Variants in MON1B observed in about 807,000 individuals in gnomAD.
MON1B encodes MON1 vesicular trafficking associated B.
Under a neutral mutation model 45.1 loss-of-function variants are expected in MON1B, and 26 were observed. The ratio of observed to expected loss-of-function variants is 0.58; its 90% CI spans 0.42 to 0.80. The LOEUF is 0.80. Among genes scored for constraint, MON1B ranks in the 30% least tolerant of loss-of-function variants. The pLI is 0.00. For missense variants in MON1B, 737 were observed against 754.5 expected (o/e 0.98, Z 0.27); for synonymous variants, 395 against 320.2 (o/e 1.23, Z -2.49).
At position 77,195,646 on chromosome 16, in the gene MON1B, T is replaced by C. The variant is rs2054658174; in HGVS notation, c.1407T>C (p.Ile469=). ...GCACCTCCCGACCCCTGCGCCTCAT[T>C]TACCACGTGGCTGAGAAGGAGACAC... The part of the protein sequence containing the change: ...LHSTSRPLRL[I]YHVAEKETLL... Residue 469 remains isoleucine, a synonymous_variant, in exon 5 of 6, where the codon ATT becomes ATC. Coordinates refer to ENST00000248248, the MANE Select transcript of MON1B (RefSeq NM_014940.4). The C allele has an allele frequency of 6.2e-7, 1 of 1,613,988 alleles. No homozygotes were observed. Among genetic ancestry groups the C allele is most frequent in the African/African-American group, 1.3e-5 (1 of 74,914 alleles).
rs574676094 is a variant in MON1B, at chr16:77,201,566, C to G, written c.*3258C>G. On this transcript the variant is annotated 3_prime_UTR_variant, in exon 6 of 6. Coordinates refer to ENST00000248248, the MANE Select transcript of MON1B (RefSeq NM_014940.4). ...GAGGCAGTCGGCAGAGTATTTTTAGCATCTAAAATGCTCTTCCACTTCGGC... is the reference window on the plus strand; with the variant it reads ...GAGGCAGTCGGCAGAGTATTTTTAGGATCTAAAATGCTCTTCCACTTCGGC... 6.6e-6 allele frequency: 1 copy of G among 152,242 alleles called. No homozygotes were observed. The highest frequency in any genetic ancestry group is 2.4e-5 in the African/African-American group (1 of 41,534). 9.4% of individuals were successfully genotyped at this position (152,242 alleles called of 1,614,324 possible). A position where few individuals can be genotyped will look rare whatever the true frequency, so the allele number is the denominator to read the frequency against.
chr16:77,196,066 C>T (rs946340465), intron 5 of MON1B, among the ~76,000 whole-genome samples: 1 of 152,174 alleles, frequency 6.6e-6, no homozygotes, highest in South Asian at 2.1e-4. Context: ...CAGCACTCCT[C>T]AGACTACAGG....
In MON1B at chr16:77,193,835, G is replaced by C. The variant is rs1240177251; in HGVS notation, c.475+58G>C. The stretch of plus-strand genomic sequence containing the variant: ...CAGTGACTGGGAATATGGCTGGCAC[G>C]GGTAGGTCTGTCTGCCTCAGGCACT... On this transcript the variant is annotated intron_variant, in intron 3 of 5. Transcript: ENST00000248248. This position sits in a 1 kb window ranked among gnomAD's most constrained non-coding sequence, Gnocchi z 5.0. 7 of 1,525,556 alleles carry C rather than the reference G, an allele frequency of 4.6e-6. No individual in the cohort carries two copies. Among genetic ancestry groups the C allele is most frequent in the Non-Finnish European group, 6.2e-6 (7 of 1,127,382 alleles). 94.5% of individuals were successfully genotyped at this position (1,525,556 alleles called of 1,614,324 possible).
At position 77,194,418 on chromosome 16, in the gene MON1B, C is replaced by T. The variant is rs11544785; in HGVS notation, c.559C>T (p.Arg187Trp). ...SRTSQSAAQL[R>W]GELLAVHAQI... ...GACTTCTCAGTCAGCAGCCCAGCTG[C>T]GGGGGGAGCTGCTAGCTGTGCACGC... Residue 187 changes from arginine to tryptophan, a missense_variant, in exon 4 of 6, where the codon CGG becomes TGG. By Grantham distance (101) the Arg-to-Trp change is moderately radical. Coordinates refer to ENST00000248248, the MANE Select transcript of MON1B (RefSeq NM_014940.4). This position sits in a 1 kb window ranked among gnomAD's most constrained non-coding sequence, Gnocchi z 8.1. 1.2e-4 allele frequency: 189 copies of T among 1,613,804 alleles called. 1 individual carries two copies. The African/African-American group carries it at 2.3e-3, about 20-fold the overall frequency.
At chr16:77,195,464 T>G in intron 4 of MON1B, 71 bp from the exon 5 acceptor site, 1 of 1,500,608 alleles carries the variant, frequency 6.7e-7, no homozygotes, top group Non-Finnish European at 9.0e-7. Flanking sequence ...ATCTCTAGAC[T>G]GAGGGAGGAA....
Position 77,191,277 on chromosome 16 carries a change from T to A in MON1B, c.-11+19T>A. The A allele has an allele frequency of 6.5e-7, 1 of 1,543,060 alleles. No homozygotes were observed. The highest frequency in any genetic ancestry group is 2.4e-5 in the East Asian group (1 of 40,946). On this transcript the variant is annotated intron_variant, in intron 1 of 5. Transcript: ENST00000248248. ...AAAACAGGTGTTTGTATATCTCTAT[T>A]TCCTGAGGCCCAGTAGAGTCTCCTC...
intron 5 of MON1B, 26 bp downstream of exon 5, chr16:77,195,708 A>G (rs2054658769): frequency 6.2e-7 from 1 of 1,611,782 alleles, no homozygotes; most frequent in Admixed American, 1.7e-5. Flanking sequence ...CTCTGAGTGA[A>G]TTAATTCCCC....
chr16:77,194,543 A>G lies in MON1B; in HGVS notation c.684A>G (p.Thr228=), dbSNP rs371327549. The change falls in exon 4 of 6, where the codon ACA becomes ACG. Residue 228 remains threonine, a synonymous_variant. Coordinates refer to ENST00000248248, the MANE Select transcript of MON1B (RefSeq NM_014940.4). The surrounding 1 kb of genome is among the most constrained non-coding windows in gnomAD (Gnocchi z 8.1). ...LRRLLAGSER[T]LDRLLDSMEQ... ...GCCTGCTGGCTGGTTCAGAGCGCACACTGGACCGACTTCTGGACAGTATGG... is the reference window on the plus strand; with the variant it reads ...GCCTGCTGGCTGGTTCAGAGCGCACGCTGGACCGACTTCTGGACAGTATGG... 1.9e-6 allele frequency: 3 copies of G among 1,613,980 alleles called. No homozygotes were observed. The highest frequency in any genetic ancestry group is 1.7e-5 in the Admixed American group (1 of 60,016).
chr16:77,194,420 G>C lies in MON1B; in HGVS notation c.561G>C (p.Arg187=). 6.2e-7 allele frequency: 1 copy of C among 1,613,900 alleles called. No homozygotes were observed. The highest frequency in any genetic ancestry group is 1.7e-5 in the Admixed American group (1 of 60,024). ...CTTCTCAGTCAGCAGCCCAGCTGCG[G>C]GGGGAGCTGCTAGCTGTGCACGCAC... ...SRTSQSAAQL[R]GELLAVHAQI... Residue 187 remains arginine (R), a synonymous_variant, in exon 4 of 6, where the codon CGG becomes CGC. Transcript: ENST00000248248. The surrounding 1 kb of genome is among the most constrained non-coding windows in gnomAD (Gnocchi z 8.1).
In MON1B at chr16:77,200,692, G is replaced by A. The variant is rs191254659; in HGVS notation, c.*2384G>A. On this transcript the variant is annotated 3_prime_UTR_variant, in exon 6 of 6. Coordinates refer to ENST00000248248, the MANE Select transcript of MON1B (RefSeq NM_014940.4). The stretch of plus-strand genomic sequence containing the variant: ...AATTGCTTGAACCCGGGAGGCAGAG[G>A]TTATCGTGAGCTGACATTGCGCCAC... 2 of 147,030 alleles carry A rather than the reference G, an allele frequency of 1.4e-5. No homozygotes were observed. Among genetic ancestry groups the A allele is most frequent in the African/African-American group, 5.0e-5 (2 of 39,924 alleles). 9.1% of individuals were successfully genotyped at this position (147,030 alleles called of 1,614,324 possible).
chr16:77,192,726 T>G (rs1342399205), intron 2 of MON1B, among the ~76,000 whole-genome samples: 1 of 151,900 alleles, frequency 6.6e-6, no homozygotes, highest in Non-Finnish European at 1.5e-5. Flanking sequence ...TGGAGTAGAA[T>G]AACTTGTGGA....
Position 77,200,939 on chromosome 16 carries a change from A to G in MON1B, c.*2631A>G, listed in dbSNP as rs1016292024. 1 of 152,156 alleles carries G rather than the reference A, an allele frequency of 6.6e-6. No individual in the cohort carries two copies. The highest frequency in any genetic ancestry group is 2.4e-5 in the African/African-American group (1 of 41,394). 9.4% of individuals were successfully genotyped at this position (152,156 alleles called of 1,614,324 possible). Reference sequence around the variant, plus strand: ...GTTGTCACCTTTCTGCCCCACTTTTATCTATCTCGAACACCCCTTTCTGCA... The same window carrying G: ...GTTGTCACCTTTCTGCCCCACTTTTGTCTATCTCGAACACCCCTTTCTGCA... On this transcript the variant is annotated 3_prime_UTR_variant, in exon 6 of 6. Transcript: ENST00000248248.
rs1370216871 is a variant in MON1B, at chr16:77,195,550, C to A, written c.1311C>A (p.Ala437=). The stretch of plus-strand genomic sequence containing the variant: ...ATCATGGCAGCCCTGAGCTAGAGGC[C>A]CCCTACAGCAGAGAGGAGGAGCGGC... ...LPQFTSPELE[A]PYSREEERQR... is the part of the protein sequence containing the mutation. Residue 437 remains alanine, a synonymous_variant, in exon 5 of 6, where the codon GCC becomes GCA. Coordinates refer to ENST00000248248, the MANE Select transcript of MON1B (RefSeq NM_014940.4). 1 of 1,613,674 alleles carries A rather than the reference C, an allele frequency of 6.2e-7. No homozygotes were observed. Among genetic ancestry groups the A allele is most frequent in the Non-Finnish European group, 8.5e-7 (1 of 1,179,782 alleles).
chr16:77,200,308 C>T lies in MON1B; in HGVS notation c.*2000C>T, dbSNP rs1223511826. On this transcript the variant is annotated 3_prime_UTR_variant, in exon 6 of 6. Coordinates refer to ENST00000248248, the MANE Select transcript of MON1B (RefSeq NM_014940.4). ...TATATATATACACACACTAATCAGC[C>T]GGGCGCGGTGGTGTGGGCCTGTAAT... 1 of 79,286 alleles carries T rather than the reference C, an allele frequency of 1.3e-5. No homozygotes were observed. Among genetic ancestry groups the T allele is most frequent in the African/African-American group, 4.6e-5 (1 of 21,942 alleles). The allele number at this position is 79,286 out of a possible 1,614,324, so 4.9% of individuals were successfully genotyped here.
At position 77,195,083 on chromosome 16, in the gene MON1B, G is replaced by T. The variant is rs145226349; in HGVS notation, c.1224G>T (p.Pro408=). The change falls in exon 4 of 6, where the codon CCG becomes CCT. Residue 408 remains proline, a synonymous_variant. Coordinates refer to ENST00000248248, the MANE Select transcript of MON1B (RefSeq NM_014940.4). ...PAYSVQAVGA[P]GLRHFLYKPL... ...ACAGCGTGCAGGCTGTCGGGGCGCCGGGCCTCCGGCACTTCCTGTATAAGC... is the reference window on the plus strand; with the variant it reads ...ACAGCGTGCAGGCTGTCGGGGCGCCTGGCCTCCGGCACTTCCTGTATAAGC... The T allele has an allele frequency of 1.2e-6, 2 of 1,603,922 alleles. No individual in the cohort carries two copies. The highest frequency in any genetic ancestry group is 3.3e-5 in the Admixed American group (2 of 59,944).
Position 77,200,274 on chromosome 16 carries a change from G to GTATATATATATATATA in MON1B, c.*1969_*1984dup, listed in dbSNP as rs1229854135. ...TATATGTGTATATATATATATATGT[G>GTATATATATATATATA]TATATATATATATATATACACACAC... On this transcript the variant is annotated 3_prime_UTR_variant, in exon 6 of 6. Coordinates refer to ENST00000248248, the MANE Select transcript of MON1B (RefSeq NM_014940.4). The GTATATATATATATATA allele has an allele frequency of 9.7e-5, 11 of 113,572 alleles. No individual in the cohort carries two copies. The highest frequency in any genetic ancestry group is 3.5e-4 in the African/African-American group (10 of 28,572). 7.0% of individuals were successfully genotyped at this position (113,572 alleles called of 1,614,324 possible).
At chr16:77,197,055 CT>C (rs1299236498) in intron 5 of MON1B, among the ~76,000 whole-genome samples, 1 of 151,998 alleles carries the variant, frequency 6.6e-6, no homozygotes, top group African/African-American at 2.4e-5. Context: ...GCCCTTATAC[CT>C]TTTAGTAGAG....
At chr16:77,197,707 T>A (rs547846714) in intron 5 of MON1B, among the ~76,000 whole-genome samples, 3 of 152,128 alleles carry the variant, frequency 2.0e-5, no homozygotes, top group African/African-American at 7.2e-5. Context: ...GGCCTCTCCA[T>A]GTGGTATGAG....
Position 77,195,159 on chromosome 16 carries a change from G to T in MON1B, c.1295+5G>T, listed in dbSNP as rs2054653086. The T allele has an allele frequency of 1.3e-6, 2 of 1,575,648 alleles. No homozygotes were observed. Among genetic ancestry groups the T allele is most frequent in the African/African-American group, 1.3e-5 (1 of 74,462 alleles). On this transcript the variant is annotated splice_donor_5th_base_variant and intron_variant, in intron 4 of 5. Transcript: ENST00000248248. ...CCAACTGCCCCAGTTTACCAGGTAG[G>T]CCCTGACCCTAAGGCAACTGGCTGG...
Sources: allele counts gnomAD v4.1 joint callset (sites outside exome capture counted in the v4.1 genomes callset), GRCh38; gene constraint gnomAD v4.1.1; non-coding constraint Gnocchi (gnomAD v3.1); transcripts MANE v1.5; gene names NCBI Gene and HGNC (gene_info 2026-07-23, HGNC 2026-07-21).